Variants in KCNMB2 observed in about 807,000 individuals in gnomAD.
The protein encoded by KCNMB2 is calcium-activated potassium channel subunit beta-2.
In KCNMB2, 9 loss-of-function variants were observed where a neutral mutation model predicts 24.5. The observed-to-expected ratio is 0.37, with a 90% CI of 0.22 to 0.64. The LOEUF (loss-of-function observed/expected upper bound fraction) is 0.64, where lower values mean the gene tolerates loss of function less well. Ranked by LOEUF, KCNMB2 falls within the 30% of genes least tolerant of loss-of-function variation. The probability of loss-of-function intolerance (pLI) is 0.63; values close to 1 mark genes in which losing one functional copy is unlikely to be tolerated. For missense variants in KCNMB2, 226 were observed against 284.3 expected (o/e 0.79, Z 1.47); for synonymous variants, 109 against 104.4 (o/e 1.04, Z -0.27).
chr3:178,644,288 G>A (rs547893906), intron 1 of KCNMB2, among the ~76,000 whole-genome samples: 11 of 152,334 alleles, frequency 7.2e-5, no homozygotes, highest in African/African-American at 2.4e-4. Flanking sequence ...GGCACTGAGA[G>A]AGCACATTTA....
intron 1 of KCNMB2, among the ~76,000 whole-genome samples, chr3:178,758,397 T>TATATATATATATATATATCCAAGAGGGG (rs1724298886): frequency 5.4e-5 from 2 of 37,262 alleles, no homozygotes; most frequent in Non-Finnish European, 8.6e-5. Context: ...CATATATATA[T>TATATATATATATATATATCCAAGAGGGG]ATATATATAT....
intron 1 of KCNMB2, among the ~76,000 whole-genome samples, chr3:178,555,199 C>G (rs1240342468): frequency 6.6e-6 from 1 of 152,196 alleles, no homozygotes; most frequent in African/African-American, 2.4e-5. Context: ...AAAAGAAAGA[C>G]TGAACAGAAC....
chr3:178,841,410 CATTTTCAAGTT>C (rs1287261455), intron 4 of KCNMB2: 1 of 152,260 alleles, frequency 6.6e-6, no homozygotes, highest in Non-Finnish European at 1.5e-5. Flanking sequence ...GTGGCTTCCA[CATTTTCAAGTT>C]ATCTTTATAG....
rs1041155598 is a variant in KCNMB2, at chr3:178,799,724, T to C, written c.-67-7619T>C. Among the ~76,000 whole-genome samples, 4 of 152,032 alleles carry C rather than the reference T, an allele frequency of 2.6e-5. 1 individual carries two copies. The highest frequency in any genetic ancestry group is 7.2e-5 in the African/African-American group (3 of 41,410). ...AAAAGACCTAGAGTAGCCAAAGCCATACTGAGCAAAAAGAGCACAACTGGA... is the reference window on the plus strand; with the variant it reads ...AAAAGACCTAGAGTAGCCAAAGCCACACTGAGCAAAAAGAGCACAACTGGA... On this transcript the variant is annotated intron_variant, in intron 1 of 4. Transcript: ENST00000452583.
intron 1 of KCNMB2, among the ~76,000 whole-genome samples, chr3:178,758,012 T>TACACAAGAGG (rs1430618619): frequency 1.3e-3 from 2 of 1,576 alleles, no homozygotes; most frequent in African/African-American, 2.7e-3. Context: ...GATATATATA[T>TACACAAGAGG]ATATATATCT....
At chr3:178,542,585 A>C (rs1185734852) in intron 1 of KCNMB2, among the ~76,000 whole-genome samples, 1 of 152,192 alleles carries the variant, frequency 6.6e-6, no homozygotes, top group Non-Finnish European at 1.5e-5. Context: ...GATAAATAGA[A>C]TGTTAGATTA....
At chr3:178,773,738 G>A (rs1712470586) in intron 1 of KCNMB2, among the ~76,000 whole-genome samples, 1 of 152,178 alleles carries the variant, frequency 6.6e-6, no homozygotes, top group South Asian at 2.1e-4. Flanking sequence ...CAAGCTGTGT[G>A]AGGTAAGGAG....
intron 1 of KCNMB2, among the ~76,000 whole-genome samples, chr3:178,730,372 T>C (rs1723104358): frequency 1.1e-5 from 1 of 87,608 alleles, no homozygotes; most frequent in Admixed American, 1.0e-4. Context: ...TTTGAACTGC[T>C]TTCCTTTATC....
intron 2 of KCNMB2, among the ~76,000 whole-genome samples, chr3:178,812,476 G>A (rs1714233891): frequency 6.9e-6 from 1 of 145,426 alleles, no homozygotes. Context: ...CTATGAGTGA[G>A]AACATGCGGT....
chr3:178,592,880 A>C (rs1717727075), intron 1 of KCNMB2, among the ~76,000 whole-genome samples: 1 of 152,208 alleles, frequency 6.6e-6, no homozygotes, highest in East Asian at 1.9e-4. Context: ...ATGCACACTG[A>C]AGTCGTTTTC....
intron 1 of KCNMB2, among the ~76,000 whole-genome samples, chr3:178,596,761 A>G (rs760660234): frequency 2.6e-5 from 4 of 152,100 alleles, no homozygotes; most frequent in Non-Finnish European, 5.9e-5. Flanking sequence ...TGAATGAGAT[A>G]TCTTTACAAC....
intron 1 of KCNMB2, among the ~76,000 whole-genome samples, chr3:178,765,952 T>C (rs977888113): frequency 2.0e-5 from 3 of 152,194 alleles, no homozygotes; most frequent in Non-Finnish European, 4.4e-5. Flanking sequence ...CAGAGTCTAC[T>C]TTCCTCTGTT....
chr3:178,539,990 T>C lies in KCNMB2; in HGVS notation c.-68+3279T>C, dbSNP rs574882677. Among the ~76,000 whole-genome samples the C allele has an allele frequency of 8.5e-5, 13 of 152,292 alleles. No homozygotes were observed. The South Asian group carries it at 2.7e-3, about 32-fold the overall frequency. On this transcript the variant is annotated intron_variant, in intron 1 of 4. Transcript: ENST00000452583. ...CAAATTCTAATCCCTAACCTTGACTTTTCCTCTAACCTCCATACTTACATA... is the reference window on the plus strand; with the variant it reads ...CAAATTCTAATCCCTAACCTTGACTCTTCCTCTAACCTCCATACTTACATA...
chr3:178,550,736 T>G (rs1182544795), intron 1 of KCNMB2, among the ~76,000 whole-genome samples: 1 of 152,210 alleles, frequency 6.6e-6, no homozygotes, highest in Non-Finnish European at 1.5e-5. Flanking sequence ...GTGGCAATTA[T>G]GTGATATTGA....
At chr3:178,630,318 G>A (rs79726876) in intron 1 of KCNMB2, among the ~76,000 whole-genome samples, 11,298 of 152,154 alleles carry the variant, frequency 0.074, 484 homozygotes, top group Non-Finnish European at 0.096. Flanking sequence ...AAATTAAAAT[G>A]TGTGTGAACA....
intron 1 of KCNMB2, among the ~76,000 whole-genome samples, chr3:178,648,996 G>A (rs1159491828): frequency 6.6e-6 from 1 of 152,140 alleles, no homozygotes; most frequent in Non-Finnish European, 1.5e-5. Flanking sequence ...ATTCATCATA[G>A]ACATAGGTAG....
Position 178,706,647 on chromosome 3 carries a change from A to G in KCNMB2, c.-67-100696A>G, listed in dbSNP as rs1157731662. Among the ~76,000 whole-genome samples, 7 of 152,056 alleles carry G rather than the reference A, an allele frequency of 4.6e-5. No individual in the cohort carries two copies. In the South Asian group the frequency reaches 6.2e-4, roughly 14 times the overall value. On this transcript the variant is annotated intron_variant, in intron 1 of 4. Transcript: ENST00000452583. ...TTTGTAATCCCTCTGCCAGGCCCCA[A>G]CTTTATCACTTGATGATTAAGAACA... is the stretch of plus-strand genomic sequence containing the variant.
At chr3:178,725,934 GC>G (rs1208808888) in intron 1 of KCNMB2, among the ~76,000 whole-genome samples, 1 of 151,126 alleles carries the variant, frequency 6.6e-6, no homozygotes, top group East Asian at 1.9e-4. Context: ...TAGATCATTT[GC>G]TTTTAATATA....
chr3:178,706,245 T>C (rs1256962283), intron 1 of KCNMB2, among the ~76,000 whole-genome samples: 2 of 152,136 alleles, frequency 1.3e-5, no homozygotes, highest in African/African-American at 2.4e-5. Flanking sequence ...GTGTTTCTAT[T>C]TGTAGCAAGG....
Sources: allele counts gnomAD v4.1 joint callset (sites outside exome capture counted in the v4.1 genomes callset), GRCh38; gene constraint gnomAD v4.1.1; transcripts MANE v1.5; gene names NCBI Gene and HGNC (gene_info 2026-07-23, HGNC 2026-07-21).